The following GPHN variants were observed in gnomAD, a reference collection of about 807,000 sequenced individuals.
GPHN encodes the protein gephyrin.
In GPHN, 17 loss-of-function variants were observed where a neutral mutation model predicts 95.5. The observed-to-expected ratio is 0.18, with a 90% CI of 0.12 to 0.27. The LOEUF is 0.27. GPHN is among the 10% of genes least tolerant of loss of function. GPHN has a pLI of 1.00. For synonymous variants in GPHN, 320 were observed against 322.5 expected (o/e 0.99, Z 0.08); for missense variants, 660 against 978.1 (o/e 0.67, Z 4.34).
intron 18 of GPHN, among the ~76,000 whole-genome samples, chr14:67,156,171 G>A (rs1051534168): frequency 2.0e-5 from 3 of 152,120 alleles, no homozygotes; most frequent in African/African-American, 4.8e-5. Context: ...GTAAATGAGT[G>A]TTGATCATGT....
At chr14:67,478,811 C>T in the GPHN span, among the ~76,000 whole-genome samples, 2 of 152,300 alleles carry the variant, frequency 1.3e-5, no homozygotes, top group Non-Finnish European at 2.9e-5. Flanking sequence ...CTGCACCCTC[C>T]CTTCTCTGTG....
chr14:67,047,112 C>G (rs957443820), intron 10 of GPHN, among the ~76,000 whole-genome samples: 2 of 152,020 alleles, frequency 1.3e-5, no homozygotes, highest in African/African-American at 4.8e-5. Context: ...AGGAACAGAA[C>G]AAGTCTCCTG....
At chr14:67,347,166 G>A in the GPHN span, among the ~76,000 whole-genome samples, 4 of 151,796 alleles carry the variant, frequency 2.6e-5, no homozygotes, top group Non-Finnish European at 5.9e-5. Context: ...TATATTTTTT[G>A]TAGAGATGGA....
At position 67,036,254 on chromosome 14, in the gene GPHN, TCATAA is replaced by T. The variant is rs1334331458; in HGVS notation, c.1006+12589_1006+12593del. On this transcript the variant is annotated intron_variant, in intron 10 of 22. Coordinates refer to ENST00000478722, the MANE Select transcript of GPHN (RefSeq NM_020806.5). Reference sequence around the variant, plus strand: ...ATAATAAAGGTCATTTATGAAAAGCTCATAACATAACATACTAAATGGTGAAAAAC... The same window carrying T: ...ATAATAAAGGTCATTTATGAAAAGCTCATAACATACTAAATGGTGAAAAAC... Among the ~76,000 whole-genome samples, 7 of 150,390 alleles carry T rather than the reference TCATAA, an allele frequency of 4.7e-5. 1 individual carries two copies. Among genetic ancestry groups the T allele is most frequent in the Admixed American group, 4.0e-4 (6 of 15,084 alleles).
At chr14:66,920,471 A>T (rs180779778) in intron 6 of GPHN, among the ~76,000 whole-genome samples, 28 of 151,308 alleles carry the variant, frequency 1.9e-4, no homozygotes, top group Admixed American at 1.4e-3. Context: ...CTTTCTCATA[A>T]TGCATCTTTC....
Position 67,144,286 on chromosome 14 carries a change from T to TACATATATATATATATATATATATAC in GPHN, c.1836+840_1836+841insTATATATATATATATATATATACACA, listed in dbSNP as rs2080764080. Among the ~76,000 whole-genome samples, 34 of 78,112 alleles carry TACATATATATATATATATATATATAC rather than the reference T, an allele frequency of 4.4e-4. 3 individuals are homozygous for TACATATATATATATATATATATATAC. The highest frequency in any genetic ancestry group is 1.5e-3 in the African/African-American group (24 of 15,658). 51.2% of individuals were successfully genotyped at this position (78,112 alleles called of 152,430 possible). A position where few individuals can be genotyped will look rare whatever the true frequency, so the allele number is the denominator to read the frequency against. On this transcript the variant is annotated intron_variant, in intron 18 of 22. Coordinates refer to ENST00000478722, the MANE Select transcript of GPHN (RefSeq NM_020806.5). Reference sequence around the variant, plus strand: ...ATATATATATATATATATATATATATACACACACACATACACAAATATTTT... The same window carrying TACATATATATATATATATATATATAC: ...ATATATATATATATATATATATATATACATATATATATATATATATATATACACACACACACATACACAAATATTTT...
At chr14:66,766,890 A>AT (rs1429245186) in intron 2 of GPHN, among the ~76,000 whole-genome samples, 2 of 151,904 alleles carry the variant, frequency 1.3e-5, no homozygotes, top group African/African-American at 4.8e-5. Flanking sequence ...TAGAACAGTG[A>AT]TTTTACCAAC....
intron 1 of GPHN, among the ~76,000 whole-genome samples, chr14:66,545,184 C>T (rs1342976525): frequency 9.3e-5 from 14 of 150,792 alleles, no homozygotes; most frequent in African/African-American, 3.2e-4. Flanking sequence ...ACCTCCCGGA[C>T]GGAGCGGCTG....
At chr14:67,193,503 A>G in the GPHN span, among the ~76,000 whole-genome samples, 1 of 131,818 alleles carries the variant, frequency 7.6e-6, no homozygotes, top group African/African-American at 2.7e-5. Context: ...ATATCTAGAT[A>G]TCCATATATA....
At chr14:66,826,628 C>A (rs956927696) in intron 4 of GPHN, among the ~76,000 whole-genome samples, 2 of 152,122 alleles carry the variant, frequency 1.3e-5, no homozygotes, top group Non-Finnish European at 2.9e-5. Context: ...TAGAATAGGT[C>A]CAAAACCTCC....
At chr14:67,257,606 AAAG>A in the GPHN span, among the ~76,000 whole-genome samples, 15 of 152,204 alleles carry the variant, frequency 9.9e-5, no homozygotes, top group Non-Finnish European at 1.6e-4. Flanking sequence ...ACTAAAAAAA[AAAG>A]AAATGGCATG....
At chr14:67,300,224 T>TA in the GPHN span, among the ~76,000 whole-genome samples, 2 of 152,174 alleles carry the variant, frequency 1.3e-5, no homozygotes, top group Admixed American at 1.3e-4. Flanking sequence ...GTGGTAAAAT[T>TA]AATTAATCCC....
chr14:66,992,072 A>C (rs1314668485), intron 9 of GPHN, among the ~76,000 whole-genome samples: 1 of 152,074 alleles, frequency 6.6e-6, no homozygotes, highest in South Asian at 2.1e-4. Flanking sequence ...AGTTAAAAGA[A>C]AAGAAAGGAA....
At chr14:67,629,449 T>C in the GPHN span, among the ~76,000 whole-genome samples, 1 of 152,250 alleles carries the variant, frequency 6.6e-6, no homozygotes, top group Non-Finnish European at 1.5e-5. Flanking sequence ...AAATACAGCA[T>C]GATTCCATTT....
At chr14:66,875,929 C>T (rs1013692489) in intron 4 of GPHN, among the ~76,000 whole-genome samples, 1 of 152,122 alleles carries the variant, frequency 6.6e-6, no homozygotes, top group Non-Finnish European at 1.5e-5. Context: ...GAACTCTCCA[C>T]CCCAAATCAA....
chr14:66,889,993 A>G (rs1268931856), intron 5 of GPHN, among the ~76,000 whole-genome samples: 1 of 152,208 alleles, frequency 6.6e-6, no homozygotes, highest in Admixed American at 6.5e-5. Flanking sequence ...ATTACATGCC[A>G]ACAAGTTGAA....
At chr14:67,195,208 T>G in the GPHN span, among the ~76,000 whole-genome samples, 1 of 152,340 alleles carries the variant, frequency 6.6e-6, no homozygotes, top group Middle Eastern at 3.4e-3. Context: ...CTGTTAACAC[T>G]TTCTGCTCCT....
At chr14:66,820,118 T>A (rs1356481367) in intron 3 of GPHN, among the ~76,000 whole-genome samples, 3 of 152,156 alleles carry the variant, frequency 2.0e-5, no homozygotes, top group Non-Finnish European at 4.4e-5. Flanking sequence ...ATTGGTTGAA[T>A]CCTTGCTATG....
intron 1 of GPHN, among the ~76,000 whole-genome samples, chr14:66,543,518 T>G (rs2059425726): frequency 6.6e-6 from 1 of 152,208 alleles, no homozygotes; most frequent in South Asian, 2.1e-4. Flanking sequence ...TTTAAGAAAC[T>G]ATTCCTGAAT....
Sources: gnomAD v4.1 joint callset for allele counts (sites outside exome capture counted in the v4.1 genomes callset) on GRCh38, gnomAD v4.1.1 for gene constraint, MANE v1.5 for transcripts, NCBI Gene and HGNC (gene_info 2026-07-23, HGNC 2026-07-21) for gene names.